Variants in ZSCAN32 observed in about 807,000 individuals in gnomAD.
The protein encoded by ZSCAN32 is zinc finger and SCAN domain containing 32.
A neutral mutation model predicts 47.4 loss-of-function variants in ZSCAN32; 52 were observed. The observed-to-expected ratio is 1.10, with a 90% CI of 0.88 to 1.38. The LOEUF (loss-of-function observed/expected upper bound fraction) is 1.38, where lower values mean the gene tolerates loss of function less well. Ranked by LOEUF, ZSCAN32 falls within the 40% of genes most tolerant of loss-of-function variation. ZSCAN32 has a pLI of 0.00. For synonymous variants in ZSCAN32, 346 were observed against 305.7 expected (o/e 1.13, Z -1.38); for missense variants, 959 against 846.0 (o/e 1.13, Z -1.66).
intron 2 of ZSCAN32, among the ~76,000 whole-genome samples, chr16:3,396,729 T>G (rs1011004608): frequency 6.6e-6 from 1 of 152,204 alleles, no homozygotes; most frequent in Non-Finnish European, 1.5e-5. Flanking sequence ...TATGAATCCA[T>G]CAGTGTCCCA....
chr16:3,400,782 C>A (rs923393033), intron 1 of ZSCAN32, among the ~76,000 whole-genome samples, 163 bp downstream of exon 1: 9 of 152,166 alleles, frequency 5.9e-5, no homozygotes, highest in Non-Finnish European at 1.3e-4. Flanking sequence ...GATCGCGGCG[C>A]GTCTGGGGAC....
intron 5 of ZSCAN32, among the ~76,000 whole-genome samples, chr16:3,388,749 T>C (rs1027855327): frequency 6.6e-6 from 1 of 151,876 alleles, no homozygotes; most frequent in Non-Finnish European, 1.5e-5. Flanking sequence ...CCTAATGTTG[T>C]AGCAGTTAAA....
Position 3,397,647 on chromosome 16 carries a change from C to G in ZSCAN32, c.-90G>C. 3.5e-6 allele frequency: 5 copies of G among 1,419,204 alleles called. 1 individual carries two copies. Among genetic ancestry groups the G allele is most frequent in the South Asian group, 3.0e-5 (2 of 66,538 alleles). The allele number at this position is 1,419,204 out of a possible 1,614,324, so 87.9% of individuals were successfully genotyped here. A position where few individuals can be genotyped will look rare whatever the true frequency, so the allele number is the denominator to read the frequency against. Reference sequence around the variant, plus strand: ...CCACATCACTGGGAAGCCATGTTCTCCTGCAAGGAATGTCTTTCTGTAATC... The same window carrying G: ...CCACATCACTGGGAAGCCATGTTCTGCTGCAAGGAATGTCTTTCTGTAATC... On this transcript the variant is annotated 5_prime_UTR_variant, in exon 2 of 7. Coordinates refer to ENST00000396852, the MANE Select transcript of ZSCAN32 (RefSeq NM_001284527.2).
Position 3,397,269 on chromosome 16 carries a change from C to CCCTGGATGCTG in ZSCAN32, c.288_289insCAGCATCCAGG (p.Val97GlnfsTer5), listed in dbSNP as rs1567327503. The stretch of plus-strand genomic sequence containing the variant: ...CCGTTTTCTGGATGCTGCTCCCTCA[C>CCCTGGATGCTG]CCAGGTCTGGATCTCCTCTGGCAAG... On this transcript the variant is annotated frameshift_variant, in exon 2 of 7. Coordinates refer to ENST00000396852, the MANE Select transcript of ZSCAN32 (RefSeq NM_001284527.2). LOFTEE classifies it high-confidence loss of function. The CCCTGGATGCTG allele has an allele frequency of 6.4e-7, 1 of 1,570,042 alleles. No individual in the cohort carries two copies. The highest frequency in any genetic ancestry group is 1.4e-5 in the African/African-American group (1 of 73,812).
Position 3,390,422 on chromosome 16 carries a change from C to T in ZSCAN32, c.627+1G>A. 1.3e-6 allele frequency: 2 copies of T among 1,549,198 alleles called. No individual in the cohort carries two copies. Among genetic ancestry groups the T allele is most frequent in the Non-Finnish European group, 8.7e-7 (1 of 1,146,336 alleles). On this transcript the variant is annotated splice_donor_variant, in intron 4 of 6. Transcript: ENST00000396852. LOFTEE classifies it high-confidence loss of function. The stretch of plus-strand genomic sequence containing the variant: ...GACAGAAGGCATCAACCACAGCTCA[C>T]CTGGGACCCAGCTGTCCAGACCACA...
At chr16:3,393,996 CT>C (rs1480890461) in intron 2 of ZSCAN32, among the ~76,000 whole-genome samples, 182 bp from the exon 3 acceptor site, 1 of 152,164 alleles carries the variant, frequency 6.6e-6, no homozygotes, top group East Asian at 1.9e-4. Context: ...GGGGCAGTAG[CT>C]TACGCCTGTA....
chr16:3,384,350 A>G, intron 6 of ZSCAN32, 109 bp downstream of exon 6: 1 of 1,455,920 alleles, frequency 6.9e-7, no homozygotes, highest in Non-Finnish European at 9.4e-7. Context: ...TCACACATCA[A>G]GATGATGATG....
intron 6 of ZSCAN32, chr16:3,384,092 A>G (rs2031623126): frequency 4.2e-6 from 2 of 477,646 alleles, no homozygotes; most frequent in African/African-American, 4.0e-5. Context: ...CTCAAACAGG[A>G]AGAAAGCAAG....
chr16:3,397,495 G>A lies in ZSCAN32; in HGVS notation c.63C>T (p.Gly21=), dbSNP rs2033488455. ...TGTTACCCTGGAGGGCTGATTTCTG[G>A]CCCTGTGTGGGATCCTTGTTTGAGG... The part of the protein sequence containing the change: ...HPSSNKDPTQ[G]QKSALQGNSP... The change falls in exon 2 of 7, where the codon GGC becomes GGT. Residue 21 remains glycine (G), a synonymous_variant. Coordinates refer to ENST00000396852, the MANE Select transcript of ZSCAN32 (RefSeq NM_001284527.2). 2 of 1,550,534 alleles carry A rather than the reference G, an allele frequency of 1.3e-6. No homozygotes were observed. Among genetic ancestry groups the A allele is most frequent in the Non-Finnish European group, 1.7e-6 (2 of 1,146,954 alleles).
intron 1 of ZSCAN32, among the ~76,000 whole-genome samples, chr16:3,398,530 T>C (rs948030195): frequency 6.6e-6 from 1 of 152,198 alleles, no homozygotes; most frequent in Non-Finnish European, 1.5e-5. Flanking sequence ...TCCCCTGTCT[T>C]GACAAACTGG....
Position 3,382,906 on chromosome 16 carries a change from C to A in ZSCAN32, c.2040G>T (p.Gln680His). Residue 680 changes from glutamine (Q) to histidine (H), a missense_variant, in exon 7 of 7, where the codon CAG becomes CAT. Physicochemically the swap from Gln to His is conservative, Grantham distance 24 (BLOSUM62 0). Transcript: ENST00000396852. Reference sequence around the variant, plus strand: ...AGAGTACTGCTTTCATGTGTACTGTCTGATGACGGGTGAGGGCAGAGTTCT... The same window carrying A: ...AGAGTACTGCTTTCATGTGTACTGTATGATGACGGGTGAGGGCAGAGTTCT... ...FTKNSALTRH[Q>H]TVHMKAVLSS... The A allele has an allele frequency of 1.9e-6, 3 of 1,608,006 alleles. No individual in the cohort carries two copies. Among genetic ancestry groups the A allele is most frequent in the Non-Finnish European group, 2.5e-6 (3 of 1,176,744 alleles).
chr16:3,386,779 G>A (rs1038815930), intron 5 of ZSCAN32, among the ~76,000 whole-genome samples: 11 of 151,984 alleles, frequency 7.2e-5, no homozygotes, highest in African/African-American at 2.4e-4. Context: ...CATCACACAC[G>A]GAGGCCTGTT....
At chr16:3,389,810 C>G (rs186689014) in intron 5 of ZSCAN32, among the ~76,000 whole-genome samples, 200 bp downstream of exon 5, 1 of 152,200 alleles carries the variant, frequency 6.6e-6, no homozygotes, top group African/African-American at 2.4e-5. Flanking sequence ...ATGTTCTTGA[C>G]TGCCGGTCAC....
Position 3,383,277 on chromosome 16 carries a change from C to G in ZSCAN32, c.1669G>C (p.Gly557Arg). Reference sequence around the variant, plus strand: ...GTGAGGTTGGAGCGCTCACTAAAGCCCTTCCCGCACTCACTGCACTTGTGA... The same window carrying G: ...GTGAGGTTGGAGCGCTCACTAAAGCGCTTCCCGCACTCACTGCACTTGTGA... ...KPHKCSECGK[G>R]FSERSNLTAH... is the part of the protein sequence containing the mutation. The change falls in exon 7 of 7, where the codon GGC becomes CGC. Residue 557 changes from glycine to arginine, a missense_variant. Coordinates refer to ENST00000396852, the MANE Select transcript of ZSCAN32 (RefSeq NM_001284527.2). 1.2e-6 allele frequency: 2 copies of G among 1,614,194 alleles called. No homozygotes were observed. Among genetic ancestry groups the G allele is most frequent in the Non-Finnish European group, 1.7e-6 (2 of 1,180,040 alleles).
In ZSCAN32 at chr16:3,390,656, C is replaced by A. The variant is rs2032579867; in HGVS notation, c.533-139G>T. 2.1e-5 allele frequency: 13 copies of A among 628,024 alleles called. No individual in the cohort carries two copies. The Admixed American group carries it at 3.7e-4, about 18-fold the overall frequency. 38.9% of individuals were successfully genotyped at this position (628,024 alleles called of 1,614,324 possible). Reference sequence around the variant, plus strand: ...AGAAATACAAATTCTGGGGCCCCACCTCAGATCTTCTGAATCGGAAATTCT... The same window carrying A: ...AGAAATACAAATTCTGGGGCCCCACATCAGATCTTCTGAATCGGAAATTCT... On this transcript the variant is annotated intron_variant, in intron 3 of 6. Coordinates refer to ENST00000396852, the MANE Select transcript of ZSCAN32 (RefSeq NM_001284527.2).
Position 3,382,855 on chromosome 16 carries a change from TA to T in ZSCAN32, c.2090del (p.Leu697TyrfsTer10). 2 of 1,556,652 alleles carry T rather than the reference TA, an allele frequency of 1.3e-6. No homozygotes were observed. The highest frequency in any genetic ancestry group is 8.7e-7 in the Non-Finnish European group (1 of 1,149,714). ...ATCTGACAGTTTACCGACACACTCA[TA>T]ACGCATCTCTTCCTTCCTGTGATGA... Reference protein sequence around the residue: ...VLSSQEGRDAL With the variant: ...VLSSQEGRDAX On this transcript the variant is annotated frameshift_variant, in exon 7 of 7. Transcript: ENST00000396852. LOFTEE classifies it high-confidence loss of function.
Position 3,397,701 on chromosome 16 carries a change from T to G in ZSCAN32, c.-144A>C. 8.9e-7 allele frequency: 1 copy of G among 1,128,640 alleles called. No homozygotes were observed. The highest frequency in any genetic ancestry group is 1.8e-5 in the South Asian group (1 of 56,956). 69.9% of individuals were successfully genotyped at this position (1,128,640 alleles called of 1,614,324 possible). ...GGGACATGAGAGTGTCAGACATGTG[T>G]AGAGACTCACAGCGGAAAAAAAGGG... On this transcript the variant is annotated 5_prime_UTR_variant, in exon 2 of 7. Coordinates refer to ENST00000396852, the MANE Select transcript of ZSCAN32 (RefSeq NM_001284527.2).
chr16:3,391,403 C>T (rs892854997), intron 3 of ZSCAN32, among the ~76,000 whole-genome samples: 3 of 151,896 alleles, frequency 2.0e-5, no homozygotes, highest in Admixed American at 6.6e-5. Context: ...ATCAGCCGGG[C>T]GCGGTGGCTC....
Position 3,384,455 on chromosome 16 carries a change from T to G in ZSCAN32, c.1234+4A>C. The G allele has an allele frequency of 6.2e-7, 1 of 1,614,140 alleles. No individual in the cohort carries two copies. The highest frequency in any genetic ancestry group is 8.5e-7 in the Non-Finnish European group (1 of 1,179,988). On this transcript the variant is annotated splice_donor_region_variant and intron_variant, in intron 6 of 6. Transcript: ENST00000396852. ...TTTGACCATCAGAGCCAAGGGAGTC[T>G]TACCAAGTCTGTTTGGGAACAGCAC...
Sources: gnomAD v4.1 joint callset for allele counts (sites outside exome capture counted in the v4.1 genomes callset) on GRCh38, gnomAD v4.1.1 for gene constraint, MANE v1.5 for transcripts, NCBI Gene and HGNC (gene_info 2026-07-23, HGNC 2026-07-21) for gene names.